Variants in UPF3B observed in about 807,000 individuals in gnomAD.
The protein encoded by UPF3B is regulator of nonsense transcripts 3B.
UPF3B carries 7 observed loss-of-function variants against 40.3 expected under a neutral mutation model. That is an observed-to-expected ratio of 0.17 (90% CI 0.10 to 0.33). The LOEUF is 0.33. UPF3B is among the 10% of genes least tolerant of loss of function. The pLI is 1.00. For synonymous variants in UPF3B, 117 were observed against 117.3 expected (o/e 1.00, Z 0.01); for missense variants, 229 against 358.9 (o/e 0.64, Z 2.93).
downstream of UPF3B, among the ~76,000 whole-genome samples, chrX:119,829,813 T>C (rs1490716182): frequency 8.9e-6 from 1 of 111,807 alleles, no homozygotes; most frequent in Non-Finnish European, 1.9e-5. Context: ...TCCAAATCCA[T>C]ACATCCATTT....
chrX:119,841,952 G>C (rs773750151), intron 5 of UPF3B, among the ~76,000 whole-genome samples, 174 bp from the exon 6 acceptor site: 1 of 111,905 alleles, frequency 8.9e-6, no homozygotes, highest in Admixed American at 9.5e-5. Flanking sequence ...TCAACAATAC[G>C]GGATTAAAAT....
exon 7 of UPF3B, chrX:119,805,312 T>G: frequency 2.3e-5 from 5 of 216,607 alleles, no homozygotes; most frequent in Non-Finnish European, 3.4e-5. Flanking sequence ...GCTTCATACT[T>G]GAATGTTGTT....
At chrX:119,807,040 A>G (rs947114306) in intron 6 of UPF3B, among the ~76,000 whole-genome samples, 5 of 98,851 alleles carry the variant, frequency 5.1e-5, no homozygotes, top group African/African-American at 8.4e-5. Context: ...AAAAAAAAAA[A>G]AAAAAAAAAA....
chrX:119,846,282 C>A (rs1371743398), intron 3 of UPF3B, among the ~76,000 whole-genome samples: 1 of 109,910 alleles, frequency 9.1e-6, no homozygotes, highest in African/African-American at 3.3e-5. Flanking sequence ...TGCAGTGAGC[C>A]GAGATCATGC....
At chrX:119,845,142 T>C in intron 4 of UPF3B, 56 bp downstream of exon 4, 1 of 998,438 alleles carries the variant, frequency 1.0e-6, no homozygotes, top group Non-Finnish European at 1.4e-6. Context: ...CTCACAAAGA[T>C]ATTATTTTTA....
intron 4 of UPF3B, among the ~76,000 whole-genome samples, chrX:119,820,974 C>G (rs2055911764): frequency 9.0e-6 from 1 of 111,307 alleles, no homozygotes; most frequent in African/African-American, 3.3e-5. Flanking sequence ...GGGACCAGAA[C>G]AGTTGATGTA....
At chrX:119,840,193 G>A (rs1453487804) in intron 8 of UPF3B, among the ~76,000 whole-genome samples, 1 of 111,831 alleles carries the variant, frequency 8.9e-6, no homozygotes, top group Middle Eastern at 4.2e-3. Flanking sequence ...GGCAAGGTTG[G>A]GATCTTTCTG....
In UPF3B at chrX:119,852,780, A is replaced by G; in HGVS notation, c.149T>C (p.Leu50Pro). ...QDRNKEKKEA[L>P]SKVVIRRLPP... ...CAGCGGCCGACCGGGCACCTTGCTC[A>G]GCGCTTCTTTCTTCTCCTTGTTGCG... Residue 50 changes from leucine (L) to proline (P), a missense_variant, in exon 1 of 11, where the codon CTG becomes CCG. Coordinates refer to ENST00000276201, the MANE Select transcript of UPF3B (RefSeq NM_080632.3). 8.3e-7 allele frequency: 1 copy of G among 1,211,769 alleles called. No homozygotes were observed.
At chrX:119,836,038 G>A (rs990110139) in intron 10 of UPF3B, among the ~76,000 whole-genome samples, 7 of 111,304 alleles carry the variant, frequency 6.3e-5, no homozygotes, top group Non-Finnish European at 1.3e-4. Flanking sequence ...ATAATTTGTG[G>A]AATTTGTTTA....
At chrX:119,813,218 G>A (rs184297417) in intron 5 of UPF3B, among the ~76,000 whole-genome samples, 2 of 111,662 alleles carry the variant, frequency 1.8e-5, no homozygotes, top group African/African-American at 6.5e-5. Context: ...AAGAATAGTG[G>A]ATGTAGTTTG....
intron 3 of UPF3B, among the ~76,000 whole-genome samples, chrX:119,824,446 C>A (rs914393676): frequency 9.6e-6 from 1 of 104,602 alleles, no homozygotes; most frequent in Non-Finnish European, 2.0e-5. Flanking sequence ...GCTGGACAGG[C>A]AAGGCAAGTA....
intron 3 of UPF3B, among the ~76,000 whole-genome samples, chrX:119,846,048 G>A (rs372173390): frequency 6.5e-5 from 7 of 107,287 alleles, no homozygotes; most frequent in East Asian, 3.0e-4. Context: ...AAATTATCAC[G>A]TTGGGCTGGG....
intron 5 of UPF3B, among the ~76,000 whole-genome samples, chrX:119,812,733 T>A (rs1381171684): frequency 9.0e-6 from 1 of 111,470 alleles, no homozygotes; most frequent in Admixed American, 9.6e-5. Context: ...CTCTCCCTCT[T>A]AAGTAACAGA....
In UPF3B at chrX:119,838,668, A is replaced by G. The variant is rs1030137293; in HGVS notation, c.847-141T>C. The G allele has an allele frequency of 2.5e-4, 144 of 575,065 alleles. 1 individual carries two copies. Among genetic ancestry groups the G allele is most frequent in the Non-Finnish European group, 3.3e-4 (118 of 355,867 alleles). 47.4% of individuals were successfully genotyped at this position (575,065 alleles called of 1,213,427 possible). A position where few individuals can be genotyped will look rare whatever the true frequency, so the allele number is the denominator to read the frequency against. On this transcript the variant is annotated intron_variant, in intron 8 of 10. Coordinates refer to ENST00000276201, the MANE Select transcript of UPF3B (RefSeq NM_080632.3). ...GTACACTTAATCTTTCAGGTGAACAACTAGTGCATAAGAGTAGTAATTTAC... is the reference window on the plus strand; with the variant it reads ...GTACACTTAATCTTTCAGGTGAACAGCTAGTGCATAAGAGTAGTAATTTAC...
intron 3 of UPF3B, among the ~76,000 whole-genome samples, chrX:119,823,821 C>T (rs941382461): frequency 4.5e-5 from 5 of 111,203 alleles, no homozygotes; most frequent in African/African-American, 1.6e-4. Flanking sequence ...GCATTGACCT[C>T]CCAAAGTGCT....
At chrX:119,817,948 G>A (rs2055879146) in intron 4 of UPF3B, among the ~76,000 whole-genome samples, 2 of 111,687 alleles carry the variant, frequency 1.8e-5, no homozygotes. Context: ...GCCTGCAGCA[G>A]CAGGTCATCC....
chrX:119,843,359 C>T, intron 4 of UPF3B, 58 bp from the exon 5 acceptor site: 1 of 801,312 alleles, frequency 1.2e-6, no homozygotes, highest in Non-Finnish European at 1.9e-6. Context: ...AAAAAGAAGA[C>T]ATTATCTACA....
chrX:119,824,199 G>T (rs2055955545), intron 3 of UPF3B, among the ~76,000 whole-genome samples: 1 of 96,111 alleles, frequency 1.0e-5, no homozygotes, highest in African/African-American at 3.9e-5. Flanking sequence ...TTAGGGGCAA[G>T]AGGCTCCCAC....
At chrX:119,814,637 TCTTA>T (rs1471398113) in intron 5 of UPF3B, among the ~76,000 whole-genome samples, 1 of 111,877 alleles carries the variant, frequency 8.9e-6, no homozygotes, top group African/African-American at 3.2e-5. Context: ...TAGAACCAGC[TCTTA>T]CTTTTCTCTC....
Sources: allele counts gnomAD v4.1 joint callset (sites outside exome capture counted in the v4.1 genomes callset), GRCh38; gene constraint gnomAD v4.1.1; transcripts MANE v1.5; gene names NCBI Gene and HGNC (gene_info 2026-07-23, HGNC 2026-07-21).